CROCC2: variants seen among roughly 807,000 people sequenced by gnomAD.
The protein encoded by CROCC2 is ciliary rootlet coiled-coil, rootletin family member 2, also known as ciliary rootlet coiled-coil protein 2.
In CROCC2, 163 loss-of-function variants were observed where a neutral mutation model predicts 177.6. The observed-to-expected ratio is 0.92, with a 90% confidence interval of 0.81 to 1.05. The LOEUF (loss-of-function observed/expected upper bound fraction) is 1.05. Ranked by LOEUF, CROCC2 falls within the 50% of genes least tolerant of loss-of-function variation. CROCC2 has a pLI of 0.00. For synonymous variants in CROCC2, 904 were observed against 787.3 expected (o/e 1.15, Z -2.48); for missense variants, 1,929 against 1,797.8 (o/e 1.07, Z -1.32).
At chr2:240,915,814 G>A (rs570169426) in intron 1 of CROCC2, among the ~76,000 whole-genome samples, 1 of 152,152 alleles carries the variant, frequency 6.6e-6, no homozygotes, top group East Asian at 1.9e-4. Flanking sequence ...GGTCTTTAAT[G>A]CAGGTTGAGC....
At chr2:240,909,310 C>T (rs2059272696) in intron 1 of CROCC2, among the ~76,000 whole-genome samples, 1 of 149,208 alleles carries the variant, frequency 6.7e-6, no homozygotes, top group Non-Finnish European at 1.5e-5. Flanking sequence ...CCTCTACCTC[C>T]TCCACCTGGG....
In CROCC2 at chr2:240,989,744, C is replaced by T. The variant is rs1265599441; in HGVS notation, c.4774C>T (p.Arg1592Cys). ...GCGGGACCTGGCCACAGAGGCAGAG[C>T]GTCTCCATGGGGCCCGGCCGCAGGC... Reference protein sequence around the residue: ...HQRDLATEAERLHGARPQATQ... With the variant: ...HQRDLATEAECLHGARPQATQ... The change falls in exon 30 of 32, where the codon CGT (arginine) becomes TGT (cysteine). Residue 1592 changes from arginine to cysteine, a missense_variant. Transcript: ENST00000690015. 1.1e-5 allele frequency: 17 copies of T among 1,550,258 alleles called. No individual in the cohort carries two copies. The highest frequency in any genetic ancestry group is 1.5e-5 in the Non-Finnish European group (17 of 1,146,906).
Position 240,964,466 on chromosome 2 carries a change from T to G in CROCC2, c.3306T>G (p.Ser1102Arg), listed in dbSNP as rs1358327761. ...CCCCAGCCTGTGGCACCCTCGTCAGTTTTAAGCGGTCCAAGGAGGAGAAGG... is the reference window on the plus strand; with the variant it reads ...CCCCAGCCTGTGGCACCCTCGTCAGGTTTAAGCGGTCCAAGGAGGAGAAGG... ...TICRAEQEKASFKRSKEEKEQ... is the reference protein window; with the variant it reads ...TICRAEQEKARFKRSKEEKEQ... The change falls in exon 22 of 32, where the codon AGT (serine) becomes AGG (arginine). Residue 1102 changes from serine to arginine, a missense_variant and splice_region_variant. Ser to Arg is a moderately radical substitution (Grantham distance 110). Around this residue, in one of 3 missense-constraint regions of CROCC2, gnomAD observed 1,397 missense variants for 1,239.9 expected, o/e 1.13. Coordinates refer to ENST00000690015, the MANE Select transcript of CROCC2 (RefSeq NM_001351305.2). The G allele has an allele frequency of 1.9e-6, 3 of 1,548,254 alleles. No homozygotes were observed. In the East Asian group the frequency reaches 7.3e-5, roughly 38 times the overall value.
intron 22 of CROCC2, among the ~76,000 whole-genome samples, chr2:240,965,134 C>T (rs1313809223): frequency 6.6e-6 from 1 of 152,162 alleles, no homozygotes; most frequent in African/African-American, 2.4e-5. Context: ...CCACCCCGCC[C>T]CACCTGAGCC....
chr2:240,958,620 T>G lies in CROCC2; in HGVS notation c.2944-681T>G. 1 of 983,974 alleles carries G rather than the reference T, an allele frequency of 1.0e-6. No individual in the cohort carries two copies. Among genetic ancestry groups the G allele is most frequent in the Non-Finnish European group, 1.2e-6 (1 of 828,762 alleles). The allele number at this position is 983,974 out of a possible 1,614,324, so 61.0% of individuals were successfully genotyped here. On this transcript the variant is annotated intron_variant, in intron 19 of 31. Coordinates refer to ENST00000690015, the MANE Select transcript of CROCC2 (RefSeq NM_001351305.2). The surrounding 1 kb of genome is among the most constrained non-coding windows in gnomAD (Gnocchi z 6.7). ...GCTGCTGCCTGGAGGCTTGGTCCAG[T>G]CCCCTGAACCCAGGGGTGCAGAGCC...
intron 1 of CROCC2, among the ~76,000 whole-genome samples, chr2:240,911,828 G>A (rs963853211): frequency 2.6e-5 from 4 of 152,116 alleles, no homozygotes; most frequent in Admixed American, 2.6e-4. Flanking sequence ...GCATTTCCTT[G>A]CTTTTTAAGG....
At chr2:240,933,022 G>T (rs753404784) in intron 9 of CROCC2, 109 bp from the exon 10 acceptor site, 620 of 1,017,294 alleles carry the variant, frequency 6.1e-4, no homozygotes, top group Non-Finnish European at 8.3e-4. Context: ...TCCAGGGAGG[G>T]GCCCCAGTGT....
At chr2:240,925,666 G>T (rs1574752793) in intron 4 of CROCC2, 58 bp from the exon 5 acceptor site, 1 of 647,634 alleles carries the variant, frequency 1.5e-6, no homozygotes, top group East Asian at 2.7e-5. Context: ...GGGACTCTGA[G>T]CGCCTCTCTT....
chr2:240,925,460 C>T (rs2059390092), intron 4 of CROCC2, among the ~76,000 whole-genome samples: 1 of 152,184 alleles, frequency 6.6e-6, no homozygotes, highest in Non-Finnish European at 1.5e-5. Context: ...CAGGAGAGCT[C>T]GGGGCAGGGG....
Position 240,963,630 on chromosome 2 carries a change from C to A in CROCC2, c.3162C>A (p.Val1054=). 6 of 1,549,334 alleles carry A rather than the reference C, an allele frequency of 3.9e-6. No homozygotes were observed. Among genetic ancestry groups the A allele is most frequent in the Non-Finnish European group, 5.2e-6 (6 of 1,146,668 alleles). The change falls in exon 21 of 32, where the codon GTC becomes GTA. Residue 1054 remains valine, a synonymous_variant. Coordinates refer to ENST00000690015, the MANE Select transcript of CROCC2 (RefSeq NM_001351305.2). The part of the protein sequence containing the change: ...LAALRQELQG[V]EESREGLHRE... The stretch of plus-strand genomic sequence containing the variant: ...CACTGCGCCAGGAGCTGCAGGGCGT[C>A]GAGGAGAGCCGGGAGGGGCTGCACA...
intron 6 of CROCC2, 124 bp downstream of exon 6, chr2:240,930,393 G>C (rs58367661): frequency 1.6e-5 from 7 of 427,014 alleles, no homozygotes; most frequent in Non-Finnish European, 2.5e-5. Flanking sequence ...CTGGCCTGCC[G>C]GCTTCTCACC....
rs762311001 is a variant in CROCC2 at position 240,965,424 on chromosome 2, C to T, written c.3509C>T (p.Ala1170Val). ...GAGAACCAGAGGAGGAGTGGAGAGG[C>T]CCATGAGCTGCAGGCGCAGTGCTCG... ...KAENQRRSGEAHELQAQCSQE... is the reference protein window; with the variant it reads ...KAENQRRSGEVHELQAQCSQE... The change falls in exon 23 of 32, where the codon GCC (alanine) becomes GTC (valine). Residue 1170 changes from alanine to valine, a missense_variant. Physicochemically the swap from Ala to Val is moderately conservative, Grantham distance 64. Around this residue, in one of 3 missense-constraint regions of CROCC2, gnomAD observed 1,397 missense variants for 1,239.9 expected, o/e 1.13. Coordinates refer to ENST00000690015, the MANE Select transcript of CROCC2 (RefSeq NM_001351305.2). The T allele has an allele frequency of 1.3e-4, 194 of 1,549,628 alleles. No homozygotes were observed. Among genetic ancestry groups the T allele is most frequent in the Admixed American group, 4.1e-4 (21 of 50,982 alleles).
chr2:240,933,873 G>C, intron 11 of CROCC2, 21 bp downstream of exon 11: 1 of 1,536,774 alleles, frequency 6.5e-7, no homozygotes, highest in Non-Finnish European at 8.8e-7. Flanking sequence ...GTGGCTGGGT[G>C]GGCAGGGCCC....
chr2:240,926,067 C>A (rs994510197), intron 5 of CROCC2, among the ~76,000 whole-genome samples, 187 bp downstream of exon 5: 4 of 152,220 alleles, frequency 2.6e-5, no homozygotes, highest in Non-Finnish European at 5.9e-5. Flanking sequence ...GAGTGAGGGA[C>A]TTCGTGGTCC....
Position 240,918,884 on chromosome 2 carries a change from T to C in CROCC2, c.229+8T>C, listed in dbSNP as rs541829039. 377 of 662,018 alleles carry C rather than the reference T, an allele frequency of 5.7e-4. No individual in the cohort carries two copies. The highest frequency in any genetic ancestry group is 1.0e-3 in the African/African-American group (52 of 50,852). The allele number at this position is 662,018 out of a possible 1,614,324, so 41.0% of individuals were successfully genotyped here. ...GTGAGGAGCCACCCCAAGGTGATGG[T>C]GTGGGGGACAGTCCTGGGCCCGGGG... On this transcript the variant is annotated splice_region_variant and intron_variant, in intron 2 of 31. Coordinates refer to ENST00000690015, the MANE Select transcript of CROCC2 (RefSeq NM_001351305.2). This position sits in a 1 kb window ranked among gnomAD's most constrained non-coding sequence, Gnocchi z 6.3.
In CROCC2 at chr2:240,968,160, C is replaced by T. The variant is rs1014520960; in HGVS notation, c.4299C>T (p.Ser1433=). 14 of 1,523,192 alleles carry T rather than the reference C, an allele frequency of 9.2e-6. No individual in the cohort carries two copies. Among genetic ancestry groups the T allele is most frequent in the African/African-American group, 6.9e-5 (5 of 72,522 alleles). The allele number at this position is 1,523,192 out of a possible 1,614,324, so 94.4% of individuals were successfully genotyped here. Residue 1433 remains serine, a synonymous_variant, in exon 27 of 32, where the codon AGC becomes AGT. Transcript: ENST00000690015. Reference sequence around the variant, plus strand: ...GCCGGGTGGAGGGCGCGCTGAGCAGCGCCCGGGCAGCACGTGCCCTGCAGA... The same window carrying T: ...GCCGGGTGGAGGGCGCGCTGAGCAGTGCCCGGGCAGCACGTGCCCTGCAGA... ...GQRRVEGALS[S]ARAARALQKE...
In CROCC2 at chr2:240,918,902, G is replaced by T; in HGVS notation, c.229+26G>T. The T allele has an allele frequency of 1.5e-6, 1 of 679,422 alleles. No individual in the cohort carries two copies. Among genetic ancestry groups the T allele is most frequent in the Non-Finnish European group, 2.7e-6 (1 of 368,554 alleles). The allele number at this position is 679,422 out of a possible 1,614,324, so 42.1% of individuals were successfully genotyped here. On this transcript the variant is annotated intron_variant, in intron 2 of 31. Transcript: ENST00000690015. The surrounding 1 kb of genome is among the most constrained non-coding windows in gnomAD (Gnocchi z 6.3). ...GTGATGGTGTGGGGGACAGTCCTGG[G>T]CCCGGGGCTGGCCAAGGTGACGGCG...
intron 9 of CROCC2, 41 bp from the exon 10 acceptor site, chr2:240,933,090 G>C: frequency 6.5e-7 from 1 of 1,547,000 alleles, no homozygotes; most frequent in East Asian, 2.4e-5. Context: ...GGCAAAGCCT[G>C]CCTAGGCCAG....
At position 240,950,530 on chromosome 2, in the gene CROCC2, G is replaced by A. The variant is rs1340183243; in HGVS notation, c.2829+20G>A. The A allele has an allele frequency of 1.4e-5, 22 of 1,539,632 alleles. No individual in the cohort carries two copies. Among genetic ancestry groups the A allele is most frequent in the African/African-American group, 2.7e-5 (2 of 72,902 alleles). ...CAACAGGTGATGGTGAGGCTGGGGG[G>A]CAGCGGGATTGCTCACACCCACTGC... On this transcript the variant is annotated intron_variant, in intron 18 of 31. Coordinates refer to ENST00000690015, the MANE Select transcript of CROCC2 (RefSeq NM_001351305.2).
Sources: allele counts gnomAD v4.1 joint callset (sites outside exome capture counted in the v4.1 genomes callset), GRCh38; gene constraint gnomAD v4.1.1; regional missense constraint gnomAD v4.1.1; non-coding constraint Gnocchi (gnomAD v3.1); transcripts MANE v1.5; gene names NCBI Gene and HGNC (gene_info 2026-07-23, HGNC 2026-07-21).